The following PLPPR1 variants were observed in gnomAD, a reference collection of about 807,000 sequenced individuals.
The protein encoded by PLPPR1 is phospholipid phosphatase-related protein type 1.
PLPPR1 carries 10 observed loss-of-function variants against 33.1 expected under a neutral mutation model. That is an observed-to-expected ratio of 0.30 (90% CI 0.19 to 0.51). The LOEUF (loss-of-function observed/expected upper bound fraction) is 0.51, where lower values mean the gene tolerates loss of function less well. Ranked by LOEUF, PLPPR1 falls within the 20% of genes least tolerant of loss-of-function variation. The pLI, the probability that PLPPR1 is intolerant of heterozygous loss-of-function variation, is 0.97. For synonymous variants in PLPPR1, 151 were observed against 151.0 expected, an observed-to-expected ratio of 1.00 and a Z score of 0.00; for missense variants, 304 against 408.1, an observed-to-expected ratio of 0.74 and a Z score of 2.20.
chr9:101,068,263 G>A (rs920221228), intron 1 of PLPPR1, among the ~76,000 whole-genome samples: 6 of 152,000 alleles, frequency 3.9e-5, no homozygotes, highest in African/African-American at 1.4e-4. Flanking sequence ...CTCAAATTTT[G>A]TATGTGGGAG....
rs561592975 is a variant in PLPPR1, at chr9:101,202,400, G to A, written c.63+16843G>A. Among the ~76,000 whole-genome samples the A allele has an allele frequency of 7.9e-5, 12 of 152,270 alleles. No homozygotes were observed. The South Asian group carries it at 2.1e-3, about 26-fold the overall frequency. ...TTTTGTCTTCTCTTGTCTTACCTAT[G>A]TGGTTGCATATTTAGAAGTCTAGTT... On this transcript the variant is annotated intron_variant, in intron 2 of 7. Coordinates refer to ENST00000374874, the MANE Select transcript of PLPPR1 (RefSeq NM_207299.2).
chr9:101,086,375 G>A (rs1830675987), intron 1 of PLPPR1, among the ~76,000 whole-genome samples: 1 of 152,166 alleles, frequency 6.6e-6, no homozygotes, highest in African/African-American at 2.4e-5. Context: ...GGAGCTCTGG[G>A]ATAGGAATTT....
At chr9:101,263,921 C>A (rs1827943292) in intron 2 of PLPPR1, among the ~76,000 whole-genome samples, 1 of 152,102 alleles carries the variant, frequency 6.6e-6, no homozygotes, top group Non-Finnish European at 1.5e-5. Flanking sequence ...TCTTCCTTCT[C>A]TCTCCTTCCT....
intron 1 of PLPPR1, among the ~76,000 whole-genome samples, chr9:101,171,201 G>A (rs1825936958): frequency 6.6e-6 from 1 of 152,094 alleles, no homozygotes; most frequent in Non-Finnish European, 1.5e-5. Context: ...TTCAGGATTA[G>A]AGGGAGAATG....
At chr9:101,034,489 A>G (rs1310462066) in intron 1 of PLPPR1, among the ~76,000 whole-genome samples, 1 of 152,188 alleles carries the variant, frequency 6.6e-6, no homozygotes, top group Non-Finnish European at 1.5e-5. Context: ...CAGGCTCTAG[A>G]GTTAGGCTGT....
intron 1 of PLPPR1, among the ~76,000 whole-genome samples, chr9:101,063,614 C>G (rs904666109): frequency 2.6e-5 from 4 of 152,112 alleles, no homozygotes; most frequent in African/African-American, 9.6e-5. Context: ...GCTCCATCCA[C>G]CCTGACTTTT....
chr9:101,223,724 C>T (rs908386804), intron 2 of PLPPR1, among the ~76,000 whole-genome samples: 3 of 152,060 alleles, frequency 2.0e-5, no homozygotes, highest in Admixed American at 2.0e-4. Context: ...TGCCTTCTGC[C>T]ATGATTTTAA....
At chr9:101,189,054 T>C (rs917622807) in intron 2 of PLPPR1, among the ~76,000 whole-genome samples, 4 of 151,978 alleles carry the variant, frequency 2.6e-5, no homozygotes, top group African/African-American at 9.7e-5. Context: ...TCTGAAGAGA[T>C]TTATTGTGAG....
Position 101,216,423 on chromosome 9 carries a change from G to A in PLPPR1, c.63+30866G>A, listed in dbSNP as rs920178629. Among the ~76,000 whole-genome samples the A allele has an allele frequency of 2.0e-5, 3 of 152,062 alleles. No individual in the cohort carries two copies. In the East Asian group the frequency reaches 5.8e-4, roughly 29 times the overall value. The stretch of plus-strand genomic sequence containing the variant: ...GTTGTTTGAATTCTTAGATAGACTG[G>A]TTATTTGTACTTTGTCAGATGGGTA... On this transcript the variant is annotated intron_variant, in intron 2 of 7. Coordinates refer to ENST00000374874, the MANE Select transcript of PLPPR1 (RefSeq NM_207299.2).
At chr9:101,045,528 T>C (rs1159475027) in intron 1 of PLPPR1, among the ~76,000 whole-genome samples, 1 of 152,110 alleles carries the variant, frequency 6.6e-6, no homozygotes, top group East Asian at 1.9e-4. Context: ...AGGGAGAGAA[T>C]GAGCCAACAA....
intron 1 of PLPPR1, among the ~76,000 whole-genome samples, chr9:101,138,683 C>G (rs1376352864): frequency 6.6e-6 from 1 of 152,194 alleles, no homozygotes; most frequent in African/African-American, 2.4e-5. Context: ...ACCAGGCACT[C>G]TGATATGTGT....
chr9:101,226,594 A>T (rs1191942191), intron 2 of PLPPR1, among the ~76,000 whole-genome samples: 1 of 152,082 alleles, frequency 6.6e-6, no homozygotes, highest in East Asian at 1.9e-4. Context: ...TGTGGCAGAA[A>T]GGAGTGAGAG....
chr9:101,130,185 C>G (rs1312303562), intron 1 of PLPPR1, among the ~76,000 whole-genome samples: 1 of 152,130 alleles, frequency 6.6e-6, no homozygotes, highest in African/African-American at 2.4e-5. Context: ...CCTCATGAAG[C>G]TGGGGGAAAA....
intron 6 of PLPPR1, among the ~76,000 whole-genome samples, chr9:101,316,253 G>A (rs1441470876): frequency 6.6e-6 from 1 of 151,998 alleles, no homozygotes; most frequent in African/African-American, 2.4e-5. Context: ...TGGCTAACAC[G>A]GTGAAACCCC....
At chr9:101,067,600 C>A (rs1373182175) in intron 1 of PLPPR1, among the ~76,000 whole-genome samples, 1 of 152,012 alleles carries the variant, frequency 6.6e-6, no homozygotes, top group Non-Finnish European at 1.5e-5. Context: ...AAGTCAAATG[C>A]TTTTTATTCT....
chr9:101,068,239 T>C (rs962078838), intron 1 of PLPPR1, among the ~76,000 whole-genome samples: 1 of 152,060 alleles, frequency 6.6e-6, no homozygotes, highest in Non-Finnish European at 1.5e-5. Context: ...AAATTATTTC[T>C]AGGGAAAATA....
At chr9:101,291,536 C>G (rs1039966062) in intron 4 of PLPPR1, among the ~76,000 whole-genome samples, 4 of 152,306 alleles carry the variant, frequency 2.6e-5, no homozygotes, top group African/African-American at 7.2e-5. Flanking sequence ...CTGGGAGGCA[C>G]CCGCCAGTAG....
At chr9:101,071,461 T>A (rs1046016330) in intron 1 of PLPPR1, among the ~76,000 whole-genome samples, 1 of 152,128 alleles carries the variant, frequency 6.6e-6, no homozygotes, top group African/African-American at 2.4e-5. Flanking sequence ...GAGTAAGTGG[T>A]AGTCATTCAA....
At chr9:101,192,298 C>G (rs1443033260) in intron 2 of PLPPR1, among the ~76,000 whole-genome samples, 2 of 152,154 alleles carry the variant, frequency 1.3e-5, no homozygotes, top group South Asian at 2.1e-4. Flanking sequence ...AAAGCTTTTT[C>G]TCTAAAGAAG....
Sources: allele counts gnomAD v4.1 joint callset (sites outside exome capture counted in the v4.1 genomes callset), GRCh38; gene constraint gnomAD v4.1.1; transcripts MANE v1.5; gene names NCBI Gene and HGNC (gene_info 2026-07-23, HGNC 2026-07-21).